Variants in ACSM3 observed in about 807,000 individuals in gnomAD.
The protein encoded by ACSM3 is acyl-CoA synthetase medium chain family member 3, also known as acyl-coenzyme A synthetase ACSM3, mitochondrial.
In ACSM3, 61 loss-of-function variants were observed where a neutral mutation model predicts 74.1. The ratio of observed to expected loss-of-function variants is 0.82; its 90% confidence interval spans 0.67 to 1.02. The LOEUF (loss-of-function observed/expected upper bound fraction) is 1.02. Among genes scored for constraint, ACSM3 ranks in the 50% least tolerant of loss-of-function variants. The probability of loss-of-function intolerance (pLI) is 0.00; values close to 1 mark genes in which losing one functional copy is unlikely to be tolerated. For synonymous variants in ACSM3, 213 were observed against 241.5 expected (o/e 0.88, Z 1.09); for missense variants, 660 against 697.0 (o/e 0.95, Z 0.60).
At chr16:20,765,862 G>A (rs536210820) in intron 1 of ACSM3, among the ~76,000 whole-genome samples, 32 of 152,144 alleles carry the variant, frequency 2.1e-4, no homozygotes, top group Non-Finnish European at 4.0e-4. Flanking sequence ...TACGTCCCTA[G>A]AGAGACCTCC....
intron 1 of ACSM3, chr16:20,703,224 T>G (rs907240105): frequency 4.6e-5 from 7 of 152,342 alleles, no homozygotes; most frequent in Non-Finnish European, 1.0e-4. Flanking sequence ...AGCCTTGTAG[T>G]ATAGTTTGAA....
chr16:20,770,642 A>G (rs1359583687), intron 2 of ACSM3, among the ~76,000 whole-genome samples: 2 of 152,190 alleles, frequency 1.3e-5, no homozygotes, highest in Admixed American at 6.5e-5. Flanking sequence ...ATTCTCACTT[A>G]TTGGAAAGAA....
intron 1 of ACSM3, chr16:20,721,145 T>C (rs1008147353): frequency 1.3e-5 from 2 of 152,230 alleles, no homozygotes; most frequent in Non-Finnish European, 2.9e-5. Context: ...GGTATACCTG[T>C]AAGTGCGAGA....
intron 1 of ACSM3, among the ~76,000 whole-genome samples, chr16:20,711,998 G>A (rs1174810846): frequency 6.6e-6 from 1 of 152,026 alleles, no homozygotes; most frequent in Admixed American, 6.6e-5. Context: ...TGCACCTGCT[G>A]TTTCTTCTGC....
At chr16:20,794,365 C>T (rs995189562) in intron 12 of ACSM3, among the ~76,000 whole-genome samples, 10 of 152,126 alleles carry the variant, frequency 6.6e-5, no homozygotes, top group African/African-American at 2.4e-4. Flanking sequence ...AACCATAGGC[C>T]ACTGTTAAGA....
intron 1 of ACSM3, among the ~76,000 whole-genome samples, chr16:20,768,644 T>C (rs185622789): frequency 6.6e-6 from 1 of 152,342 alleles, no homozygotes; most frequent in African/African-American, 2.4e-5. Context: ...CAGAGTATTT[T>C]TTTTTAATGC....
intron 9 of ACSM3, among the ~76,000 whole-genome samples, chr16:20,788,565 A>G (rs1160915330): frequency 4.6e-5 from 7 of 152,320 alleles, no homozygotes; most frequent in Non-Finnish European, 1.0e-4. Flanking sequence ...GGGCATCTGC[A>G]GTAACATTCT....
chr16:20,758,138 T>C (rs2080046855), intron 3 of ACSM3, among the ~76,000 whole-genome samples: 1 of 152,252 alleles, frequency 6.6e-6, no homozygotes, highest in African/African-American at 2.4e-5. Flanking sequence ...ATCAGGATGA[T>C]GTTGGCCTCA....
At chr16:20,699,681 G>T (rs146753632) in intron 1 of ACSM3, among the ~76,000 whole-genome samples, 103 of 152,286 alleles carry the variant, frequency 6.8e-4, no homozygotes, top group African/African-American at 2.4e-3. Flanking sequence ...CACACTCTCT[G>T]CATCTGAGTA....
chr16:20,716,536 T>G (rs1470539375), intron 1 of ACSM3, among the ~76,000 whole-genome samples: 1 of 152,156 alleles, frequency 6.6e-6, no homozygotes, highest in Non-Finnish European at 1.5e-5. Flanking sequence ...TCTCCCAGGC[T>G]TATAAACATG....
chr16:20,739,462 T>A (rs2152420038), intron 1 of ACSM3, among the ~76,000 whole-genome samples: 1 of 152,160 alleles, frequency 6.6e-6, no homozygotes, highest in Non-Finnish European at 1.5e-5. Context: ...TGAGCTACCA[T>A]GCCCAGCTGA....
chr16:20,784,215 C>A (rs967724627), intron 7 of ACSM3, among the ~76,000 whole-genome samples: 6 of 152,162 alleles, frequency 3.9e-5, no homozygotes, highest in African/African-American at 1.2e-4. Context: ...AATATGGTAG[C>A]CACTAACCAC....
At chr16:20,794,168 G>T (rs1054815629) in intron 12 of ACSM3, among the ~76,000 whole-genome samples, 1 of 152,186 alleles carries the variant, frequency 6.6e-6, no homozygotes, top group Non-Finnish European at 1.5e-5. Context: ...CCTGGGTTAG[G>T]TCCTTCTCTA....
chr16:20,688,869 C>A (rs1478559037), intron 1 of ACSM3, among the ~76,000 whole-genome samples: 2 of 151,286 alleles, frequency 1.3e-5, no homozygotes, highest in Non-Finnish European at 2.9e-5. Context: ...ATATAAAAAT[C>A]AATATTATTA....
At chr16:20,771,661 T>C (rs2080195641) in intron 2 of ACSM3, among the ~76,000 whole-genome samples, 1 of 152,212 alleles carries the variant, frequency 6.6e-6, no homozygotes, top group Admixed American at 6.5e-5. Context: ...GTTGATTCCA[T>C]ATCTTGGCTA....
chr16:20,692,954 A>C (rs747124027), intron 1 of ACSM3, among the ~76,000 whole-genome samples: 2 of 151,976 alleles, frequency 1.3e-5, no homozygotes, highest in Non-Finnish European at 2.9e-5. Flanking sequence ...GTGGATCATG[A>C]GGTCAGGAGT....
intron 1 of ACSM3, among the ~76,000 whole-genome samples, chr16:20,733,343 TAAC>T (rs1213083364): frequency 3.3e-5 from 5 of 152,098 alleles, no homozygotes; most frequent in African/African-American, 9.7e-5. Flanking sequence ...TTCTTCTACT[TAAC>T]AACTTTATGA....
At chr16:20,746,174 G>GAAAATCCCC (rs151163510) in intron 1 of ACSM3, among the ~76,000 whole-genome samples, 3,933 of 152,226 alleles carry the variant, frequency 0.026, 77 homozygotes, top group Non-Finnish European at 0.04. Context: ...GGGTTATTAG[G>GAAAATCCCC]AAAATCCAGT....
intron 1 of ACSM3, among the ~76,000 whole-genome samples, chr16:20,744,046 A>G (rs2079947930): frequency 6.6e-6 from 1 of 152,246 alleles, no homozygotes; most frequent in Admixed American, 6.5e-5. Flanking sequence ...CTGTTGGCCC[A>G]CAGTCAACAT....
Sources: gnomAD v4.1 joint callset for allele counts (sites outside exome capture counted in the v4.1 genomes callset) on GRCh38, gnomAD v4.1.1 for gene constraint, MANE v1.5 for transcripts, NCBI Gene and HGNC (gene_info 2026-07-23, HGNC 2026-07-21) for gene names.